The following KNDC1 variants were observed in gnomAD, a reference collection of about 807,000 sequenced individuals.
KNDC1 encodes kinase non-catalytic C-lobe domain-containing protein 1.
A neutral mutation model predicts 172.8 loss-of-function variants in KNDC1; 106 were observed. The observed-to-expected ratio is 0.61, with a 90% confidence interval of 0.52 to 0.72. The LOEUF is 0.72. Among genes scored for constraint, KNDC1 ranks in the 30% least tolerant of loss-of-function variants. The pLI, the probability that KNDC1 is intolerant of heterozygous loss-of-function variation, is 0.00. For synonymous variants in KNDC1, 1,083 were observed against 1,062.2 expected, an observed-to-expected ratio of 1.02 and a Z score of -0.38; for missense variants, 2,325 against 2,394.5, an observed-to-expected ratio of 0.97 and a Z score of 0.61.
chr10:133,211,531 G>T lies in KNDC1; in HGVS notation c.4018G>T (p.Gly1340Trp), dbSNP rs758201955. The T allele has an allele frequency of 6.2e-7, 1 of 1,614,006 alleles. No homozygotes were observed. The highest frequency in any genetic ancestry group is 1.1e-5 in the South Asian group (1 of 91,088). ...CGCTGTGGACTTCCCTCGGAACAGC[G>T]GGCTGCTGGGGAAGCTAGAGGACTT... ...CYAVDFPRNSGLLGKLEDFIS... is the reference protein window; with the variant it reads ...CYAVDFPRNSWLLGKLEDFIS... Residue 1340 changes from glycine (G) to tryptophan (W), a missense_variant, in exon 22 of 30, where the codon GGG becomes TGG. Transcript: ENST00000304613.
In KNDC1 at chr10:133,213,696, G is replaced by A. The variant is rs749088023; in HGVS notation, c.4495G>A (p.Gly1499Ser). The A allele has an allele frequency of 1.2e-6, 2 of 1,614,072 alleles. No homozygotes were observed. The highest frequency in any genetic ancestry group is 4.5e-5 in the East Asian group (2 of 44,864). ...PVHFLNSRAL[G>S]VMDKSTAIPK... The stretch of plus-strand genomic sequence containing the variant: ...CCACTTCCTGAACTCACGGGCCCTG[G>A]GCGTCATGGACAAGAGCACTGCCAT... Residue 1499 changes from glycine to serine, a missense_variant, in exon 25 of 30, where the codon GGC becomes AGC. By Grantham distance (56) the Gly-to-Ser change is moderately conservative. Coordinates refer to ENST00000304613, the MANE Select transcript of KNDC1 (RefSeq NM_152643.8).
In KNDC1 at chr10:133,218,207, C is replaced by T. The variant is rs370234121; in HGVS notation, c.4678-624C>T. On this transcript the variant is annotated intron_variant, in intron 26 of 29. Coordinates refer to ENST00000304613, the MANE Select transcript of KNDC1 (RefSeq NM_152643.8). ...AGGGGTCAGCTGAGTTCTCCAGAAT[C>T]TTCCTGAAGCCCTGGAAGTGGATCC... Among the ~76,000 whole-genome samples, 58 of 152,388 alleles carry T rather than the reference C, an allele frequency of 3.8e-4. 2 individuals carry two copies. In the South Asian group the frequency reaches 0.011, roughly 29 times the overall value.
Position 133,211,490 on chromosome 10 carries a change from G to A in KNDC1, c.3977G>A (p.Trp1326Ter). 2.5e-6 allele frequency: 4 copies of A among 1,613,952 alleles called. No individual in the cohort carries two copies. The highest frequency in any genetic ancestry group is 2.2e-5 in the South Asian group (2 of 91,084). Reference sequence around the variant, plus strand: ...CGGAGCCTCTGCGTCCTGCAGGCCTGGGTGGAGGACTGCTACGCTGTGGAC... The same window carrying A: ...CGGAGCCTCTGCGTCCTGCAGGCCTAGGTGGAGGACTGCTACGCTGTGGAC... Reference protein sequence around the residue: ...YRRSLCVLQAWVEDCYAVDFP... With the variant: ...YRRSLCVLQA Residue 1326 changes from tryptophan (W) to a stop codon, truncating the protein, a stop_gained, in exon 22 of 30, where the codon TGG becomes TAG. Transcript: ENST00000304613. LOFTEE classifies it high-confidence loss of function.
rs866243704 is a variant in KNDC1, at chr10:133,224,743, C to T, written c.5103C>T (p.Tyr1701=). Residue 1701 remains tyrosine, a synonymous_variant, in exon 30 of 30, where the codon TAC becomes TAT. Coordinates refer to ENST00000304613, the MANE Select transcript of KNDC1 (RefSeq NM_152643.8). This position sits in a 1 kb window ranked among gnomAD's most constrained non-coding sequence, Gnocchi z 5.4. ...GCCCCGACCCCAAGCTCCAGTCGTA[C>T]CTCAAGCAGAGGATTGCCCGCTTCA... The part of the protein sequence containing the change: ...TFSPDPKLQS[Y]LKQRIARFSG... The T allele has an allele frequency of 1.2e-6, 2 of 1,614,100 alleles. No individual in the cohort carries two copies. The highest frequency in any genetic ancestry group is 1.7e-6 in the Non-Finnish European group (2 of 1,180,016).
intron 11 of KNDC1, 114 bp from the exon 12 acceptor site, chr10:133,197,561 T>C (rs1854229257): frequency 1.5e-5 from 12 of 814,388 alleles, no homozygotes; most frequent in Non-Finnish European, 2.5e-5. Flanking sequence ...GCCCGGCTCC[T>C]CCCCAGCAGG....
intron 24 of KNDC1, 43 bp from the exon 25 acceptor site, chr10:133,213,602 A>G (rs1259293639): frequency 6.4e-7 from 1 of 1,569,452 alleles, no homozygotes; most frequent in South Asian, 1.1e-5. Context: ...ACAAGGCCCT[A>G]AGGGATGGAA....
intron 3 of KNDC1, among the ~76,000 whole-genome samples, chr10:133,182,925 A>G (rs1439551003): frequency 7.5e-6 from 1 of 133,242 alleles, no homozygotes; most frequent in Non-Finnish European, 1.6e-5. Context: ...GTGGGCACGG[A>G]CGGTGTGGGC....
chr10:133,179,819 C>T (rs1591233252), intron 3 of KNDC1, among the ~76,000 whole-genome samples: 1 of 152,162 alleles, frequency 6.6e-6, no homozygotes, highest in Admixed American at 6.5e-5. Flanking sequence ...GGCTCCCCGT[C>T]GCCCTGTGGC....
chr10:133,166,608 C>T lies in KNDC1; in HGVS notation c.103-773C>T, dbSNP rs1183548300. Reference sequence around the variant, plus strand: ...GCGGATGGAACTGTGAGTGTGCACACACCTTGCACCAGCGTCCGAGTGTTA... The same window carrying T: ...GCGGATGGAACTGTGAGTGTGCACATACCTTGCACCAGCGTCCGAGTGTTA... On this transcript the variant is annotated intron_variant, in intron 1 of 29. Transcript: ENST00000304613. Among the ~76,000 whole-genome samples the T allele has an allele frequency of 2.6e-5, 4 of 152,098 alleles. No homozygotes were observed. The East Asian group carries it at 5.8e-4, about 22-fold the overall frequency.
intron 1 of KNDC1, among the ~76,000 whole-genome samples, chr10:133,165,599 G>C (rs1853124994): frequency 6.6e-6 from 1 of 152,236 alleles, no homozygotes; most frequent in Admixed American, 6.5e-5. Flanking sequence ...GTGTTTGCAG[G>C]CACGTGTGCG....
chr10:133,207,125 C>G lies in KNDC1; in HGVS notation c.3580-12C>G. The G allele has an allele frequency of 6.4e-7, 1 of 1,573,464 alleles. No individual in the cohort carries two copies. Among genetic ancestry groups the G allele is most frequent in the Non-Finnish European group, 8.6e-7 (1 of 1,160,320 alleles). On this transcript the variant is annotated splice_polypyrimidine_tract_variant and intron_variant, in intron 19 of 29. Coordinates refer to ENST00000304613, the MANE Select transcript of KNDC1 (RefSeq NM_152643.8). ...GGCAGAGTGACCAAGCGCCCGTGTC[C>G]CGCTCCGGCAGGTCATGTACGCGGA...
chr10:133,206,464 G>A (rs543541706), intron 17 of KNDC1, among the ~76,000 whole-genome samples: 2 of 152,312 alleles, frequency 1.3e-5, no homozygotes, highest in South Asian at 4.1e-4. Context: ...CCCCAAGCTG[G>A]GCACTGCCCT....
At position 133,183,912 on chromosome 10, in the gene KNDC1, C is replaced by A. The variant is rs573764590; in HGVS notation, c.548C>A (p.Ser183Tyr). ...TGTGAAGAGAAGCTGCAGCTCACAT[C>A]CTCCTGTCGCGTGTGCCGGAGCCTC... Reference protein sequence around the residue: ...ALCEEKLQLTSSCRVCRSLSA... With the variant: ...ALCEEKLQLTYSCRVCRSLSA... Residue 183 changes from serine to tyrosine, a missense_variant, in exon 5 of 30, where the codon TCC (serine) becomes TAC (tyrosine). Coordinates refer to ENST00000304613, the MANE Select transcript of KNDC1 (RefSeq NM_152643.8). 5 of 1,602,906 alleles carry A rather than the reference C, an allele frequency of 3.1e-6. No individual in the cohort carries two copies. Among genetic ancestry groups the A allele is most frequent in the Middle Eastern group, 3.5e-4 (2 of 5,752 alleles).
intron 17 of KNDC1, chr10:133,202,504 G>C (rs1281117246): frequency 2.4e-6 from 1 of 418,696 alleles, no homozygotes; most frequent in South Asian, 1.7e-5. Context: ...GCCCCGACCT[G>C]GGCTGCATTC....
rs764321636 is a variant in KNDC1, at chr10:133,218,983, GT to G, written c.4800+31del. On this transcript the variant is annotated intron_variant, in intron 27 of 29. Transcript: ENST00000304613. ...GTCCCCCTCGGGCCCCAAGGCGGGG[GT>G]GGGTACCCGCACGGCCGCAGGAGGC... The G allele has an allele frequency of 8.1e-6, 13 of 1,613,588 alleles. No homozygotes were observed. In the African/African-American group the frequency reaches 1.6e-4, roughly 20 times the overall value.
At position 133,171,336 on chromosome 10, in the gene KNDC1, T is replaced by C. The variant is rs576326826; in HGVS notation, c.360+3024T>C. Among the ~76,000 whole-genome samples the C allele has an allele frequency of 2.6e-5, 4 of 152,336 alleles. No individual in the cohort carries two copies. In the East Asian group the frequency reaches 7.7e-4, roughly 29 times the overall value. The stretch of plus-strand genomic sequence containing the variant: ...CCCAGGCTAGAGTGCATTGGAGCAA[T>C]CACGGCTCACTGCAGCCTCCACCTC... On this transcript the variant is annotated intron_variant, in intron 3 of 29. Coordinates refer to ENST00000304613, the MANE Select transcript of KNDC1 (RefSeq NM_152643.8).
intron 26 of KNDC1, 26 bp from the exon 27 acceptor site, chr10:133,218,805 C>T (rs763998051): frequency 1.9e-6 from 3 of 1,605,786 alleles, no homozygotes; most frequent in Admixed American, 3.4e-5. Context: ...CCAGAAGACG[C>T]TGAATGTGTC....
At chr10:133,221,330 G>T (rs973431017) in intron 29 of KNDC1, among the ~76,000 whole-genome samples, 1 of 152,136 alleles carries the variant, frequency 6.6e-6, no homozygotes, top group Non-Finnish European at 1.5e-5. Flanking sequence ...GGCGCAGACT[G>T]GGGCTGGCTG....
Position 133,223,271 on chromosome 10 carries a change from A to ATG in KNDC1, c.5019-1369_5019-1368dup, listed in dbSNP as rs375654196. 5.5e-4 allele frequency among the ~76,000 whole-genome samples: 12 copies of ATG among 21,796 alleles called. 1 individual carries two copies. Among genetic ancestry groups the ATG allele is most frequent in the East Asian group, 1.6e-3 (2 of 1,246 alleles). The allele number at this position is 21,796 out of a possible 152,430, so 14.3% of individuals were successfully genotyped here. On this transcript the variant is annotated intron_variant, in intron 29 of 29. Coordinates refer to ENST00000304613, the MANE Select transcript of KNDC1 (RefSeq NM_152643.8). The stretch of plus-strand genomic sequence containing the variant: ...CCCATCCAGGCATGCTCTTCTCGGC[A>ATG]TGTGTGTGTGTGTGTGTGTGAGAGC...
Sources: gnomAD v4.1 joint callset for allele counts (sites outside exome capture counted in the v4.1 genomes callset) on GRCh38, gnomAD v4.1.1 for gene constraint, Gnocchi (gnomAD v3.1) non-coding constraint, MANE v1.5 for transcripts, NCBI Gene and HGNC (gene_info 2026-07-23, HGNC 2026-07-21) for gene names.